The following TRIM71 variants were observed in gnomAD, a reference collection of about 807,000 sequenced individuals.
TRIM71 encodes tripartite motif containing 71.
TRIM71 carries 9 observed loss-of-function variants against 61.2 expected under a neutral mutation model. The observed-to-expected ratio is 0.15, with a 90% CI of 0.09 to 0.26. The LOEUF (loss-of-function observed/expected upper bound fraction) is 0.26. Among genes scored for constraint, TRIM71 ranks in the 10% least tolerant of loss-of-function variants. The probability of loss-of-function intolerance (pLI) is 1.00; values close to 1 mark genes in which losing one functional copy is unlikely to be tolerated. For synonymous variants in TRIM71, 645 were observed against 553.2 expected (o/e 1.17, Z -2.33); for missense variants, 998 against 1,238.7 (o/e 0.81, Z 2.92).
At chr3:32,823,189 A>C (rs1439718281) in intron 1 of TRIM71, among the ~76,000 whole-genome samples, 1 of 152,214 alleles carries the variant, frequency 6.6e-6, no homozygotes, top group African/African-American at 2.4e-5. Flanking sequence ...TGCTTGATAA[A>C]AATATATGGG....
intron 2 of TRIM71, among the ~76,000 whole-genome samples, chr3:32,874,592 G>A (rs972593743): frequency 6.6e-6 from 1 of 151,422 alleles, no homozygotes; most frequent in Non-Finnish European, 1.5e-5. Flanking sequence ...GCACGATCTC[G>A]GCTCACTGCA....
rs114634144 is a variant in TRIM71 at position 32,884,456 on chromosome 3, T to G, written c.1021-1478T>G. Among the ~76,000 whole-genome samples the G allele has an allele frequency of 0.017, 2,606 of 151,606 alleles. 140 individuals carry two copies. The East Asian group carries it at 0.21, about 12-fold the overall frequency. On this transcript the variant is annotated intron_variant, in intron 2 of 3. Transcript: ENST00000383763. Reference sequence around the variant, plus strand: ...CTCATGCCTATAATGCCAGCACTTTTGGAGGCCTAGGTGGGCAGATCACTT... The same window carrying G: ...CTCATGCCTATAATGCCAGCACTTTGGGAGGCCTAGGTGGGCAGATCACTT...
At chr3:32,886,115 A>G (rs376295433) in intron 3 of TRIM71, 47 bp downstream of exon 3, 178 of 1,584,288 alleles carry the variant, frequency 1.1e-4, no homozygotes, top group Non-Finnish European at 1.4e-4. Context: ...CTCGGCTTCC[A>G]TGAACCTCAG....
rs1016465868 is a variant in TRIM71 at position 32,890,217 on chromosome 3, A to C, written c.1156-143A>C. ...GTCCATTTTGATTTTGCTGCTTTTG[A>C]AGAAAGACAGATGTCTTTTGTAGAC... On this transcript the variant is annotated intron_variant, in intron 3 of 3. Coordinates refer to ENST00000383763, the MANE Select transcript of TRIM71 (RefSeq NM_001039111.3). The surrounding 1 kb of genome is among the most constrained non-coding windows in gnomAD (Gnocchi z 6.2). 12 of 1,196,586 alleles carry C rather than the reference A, an allele frequency of 1.0e-5. No homozygotes were observed. Among genetic ancestry groups the C allele is most frequent in the Non-Finnish European group, 1.4e-5 (12 of 859,364 alleles). 74.1% of individuals were successfully genotyped at this position (1,196,586 alleles called of 1,614,324 possible).
chr3:32,844,299 C>T (rs1371482202), intron 1 of TRIM71, among the ~76,000 whole-genome samples: 3 of 152,070 alleles, frequency 2.0e-5, no homozygotes, highest in Non-Finnish European at 4.4e-5. Context: ...TAAATGTTGC[C>T]CTAGGAGGAA....
chr3:32,818,896 C>G lies in TRIM71; in HGVS notation c.816C>G (p.Pro272=). 1 of 1,612,672 alleles carries G rather than the reference C, an allele frequency of 6.2e-7. No homozygotes were observed. The highest frequency in any genetic ancestry group is 8.5e-7 in the Non-Finnish European group (1 of 1,179,852). ...CCTTCTCCATCCTCTCAGTGTTTCCCGAGCGCCTCGGCTTCTGCCAGCACC... is the reference window on the plus strand; with the variant it reads ...CCTTCTCCATCCTCTCAGTGTTTCCGGAGCGCCTCGGCTTCTGCCAGCACC... ...GPPFSILSVF[P]ERLGFCQHHD... Residue 272 remains proline (P), a synonymous_variant, in exon 1 of 4, where the codon CCC becomes CCG. Coordinates refer to ENST00000383763, the MANE Select transcript of TRIM71 (RefSeq NM_001039111.3).
At chr3:32,848,105 C>T (rs577435551) in intron 1 of TRIM71, among the ~76,000 whole-genome samples, 7 of 152,262 alleles carry the variant, frequency 4.6e-5, no homozygotes, top group South Asian at 2.1e-4. Flanking sequence ...TAACGAGAGA[C>T]GACTGTACTT....
intron 1 of TRIM71, among the ~76,000 whole-genome samples, chr3:32,819,152 C>A (rs1696099430): frequency 6.6e-6 from 1 of 152,150 alleles, no homozygotes; most frequent in African/African-American, 2.4e-5. Flanking sequence ...CCGAAAAATC[C>A]CATAGCGTGG....
rs772761821 is a variant in TRIM71, at chr3:32,818,734, C to T, written c.654C>T (p.His218=). 39 of 1,601,048 alleles carry T rather than the reference C, an allele frequency of 2.4e-5. No homozygotes were observed. The South Asian group carries it at 3.5e-4, about 15-fold the overall frequency. The change falls in exon 1 of 4, where the codon CAC becomes CAT. Residue 218 remains histidine, a synonymous_variant. Transcript: ENST00000383763. ...ASSRCLDCQE[H]LCDNCVRAHQ... ...CGCGCTGCCTCGACTGCCAGGAGCA[C>T]CTGTGCGACAACTGCGTCCGAGCGC...
chr3:32,837,420 T>G (rs1166161206), intron 1 of TRIM71, among the ~76,000 whole-genome samples: 1 of 152,214 alleles, frequency 6.6e-6, no homozygotes, highest in East Asian at 1.9e-4. Flanking sequence ...AAAGGATTTA[T>G]GAAAAGTATA....
At chr3:32,845,134 G>A (rs1346420276) in intron 1 of TRIM71, among the ~76,000 whole-genome samples, 1 of 149,896 alleles carries the variant, frequency 6.7e-6, no homozygotes, top group African/African-American at 2.5e-5. Context: ...CCACCTGGAG[G>A]CTTTCCAGGT....
intron 1 of TRIM71, among the ~76,000 whole-genome samples, chr3:32,840,390 T>G (rs1696390419): frequency 6.6e-6 from 1 of 152,120 alleles, no homozygotes; most frequent in African/African-American, 2.4e-5. Flanking sequence ...TAAAAGCCAG[T>G]ACATAACATG....
At chr3:32,846,186 C>T (rs1262781364) in intron 1 of TRIM71, among the ~76,000 whole-genome samples, 1 of 151,380 alleles carries the variant, frequency 6.6e-6, no homozygotes, top group African/African-American at 2.4e-5. Flanking sequence ...CAGGATTCTC[C>T]TGCCTCAGCC....
At position 32,890,589 on chromosome 3, in the gene TRIM71, C is replaced by A; in HGVS notation, c.1385C>A (p.Thr462Lys). Reference protein sequence around the residue: ...QPQEDDRVMFTPPDQALYLAI... With the variant: ...QPQEDDRVMFKPPDQALYLAI... ...CAGGAAGACGACCGAGTCATGTTCA[C>A]ACCCCCCGATCAGGCACTGTACCTT... The change falls in exon 4 of 4, where the codon ACA (threonine) becomes AAA (lysine). Residue 462 changes from threonine to lysine, a missense_variant. Thr to Lys is a moderately conservative substitution (Grantham distance 78). Transcript: ENST00000383763. The surrounding 1 kb of genome is among the most constrained non-coding windows in gnomAD (Gnocchi z 6.2). The A allele has an allele frequency of 4.3e-6, 7 of 1,614,024 alleles. No homozygotes were observed. The highest frequency in any genetic ancestry group is 5.9e-6 in the Non-Finnish European group (7 of 1,180,032).
intron 1 of TRIM71, among the ~76,000 whole-genome samples, chr3:32,864,845 GGTGTGTGTGTGTGTGTGTGTGTGT>G (rs10522411): frequency 0.013 from 1,897 of 146,438 alleles, 35 homozygotes; most frequent in African/African-American, 0.045. Context: ...AAAATTAAGT[GGTGTGTGTGTGTGTGTGTGTGTGT>G]GTGTGTGTGT....
chr3:32,879,496 G>A (rs1696884928), intron 2 of TRIM71, among the ~76,000 whole-genome samples: 1 of 151,934 alleles, frequency 6.6e-6, no homozygotes. Context: ...TTACTAAGTG[G>A]CCTGATTAAC....
chr3:32,885,929 TCCAG>T lies in TRIM71; in HGVS notation c.1021-3_1021del. The T allele has an allele frequency of 1.9e-6, 3 of 1,609,338 alleles. No individual in the cohort carries two copies. Among genetic ancestry groups the T allele is most frequent in the South Asian group, 1.1e-5 (1 of 90,376 alleles). ...CCTCGAAGTTGTTTCTTTTTGGTTT[TCCAG>T]CTGAGCATCGAGCAGGCCCAGACGG... On this transcript the variant is annotated splice_acceptor_variant and splice_polypyrimidine_tract_variant and intron_variant, in intron 2 of 3. Transcript: ENST00000383763. LOFTEE classifies it high-confidence loss of function.
chr3:32,857,021 G>A (rs556307756), intron 1 of TRIM71, among the ~76,000 whole-genome samples: 1 of 152,246 alleles, frequency 6.6e-6, no homozygotes, highest in South Asian at 2.1e-4. Context: ...TTGAACCCGG[G>A]TTTTCTGACT....
chr3:32,890,789 C>G lies in TRIM71; in HGVS notation c.1585C>G (p.Leu529Val), dbSNP rs748172146. Reference protein sequence around the residue: ...SGGDLMSAVVLGPDGNLFGAE... With the variant: ...SGGDLMSAVVVGPDGNLFGAE... ...AGGCGACCTGATGTCGGCTGTGGTC[C>G]TGGGCCCTGATGGCAACCTGTTTGG... is the stretch of plus-strand genomic sequence containing the variant. The change falls in exon 4 of 4, where the codon CTG becomes GTG. Residue 529 changes from leucine (L) to valine (V), a missense_variant. Physicochemically the swap from Leu to Val is conservative, Grantham distance 32. This residue lies in a region of TRIM71 where 291 missense variants were observed against 431.2 expected (regional missense o/e 0.67). Transcript: ENST00000383763. This position sits in a 1 kb window ranked among gnomAD's most constrained non-coding sequence, Gnocchi z 6.2. 5 of 1,614,214 alleles carry G rather than the reference C, an allele frequency of 3.1e-6. No individual in the cohort carries two copies. Among genetic ancestry groups the G allele is most frequent in the Non-Finnish European group, 4.2e-6 (5 of 1,180,052 alleles).
Sources: allele counts gnomAD v4.1 joint callset (sites outside exome capture counted in the v4.1 genomes callset), GRCh38; gene constraint gnomAD v4.1.1; regional missense constraint gnomAD v4.1.1; non-coding constraint Gnocchi (gnomAD v3.1); transcripts MANE v1.5; gene names NCBI Gene and HGNC (gene_info 2026-07-23, HGNC 2026-07-21).